GPD1L: variants seen among roughly 807,000 people sequenced by gnomAD.
GPD1L encodes glycerol-3-phosphate dehydrogenase 1 like.
Under a neutral mutation model 32.9 loss-of-function variants are expected in GPD1L, and 17 were observed. That is an observed-to-expected ratio of 0.52 (90% confidence interval 0.35 to 0.78). The LOEUF is 0.78. Among genes scored for constraint, GPD1L ranks in the 30% least tolerant of loss-of-function variants. The probability of loss-of-function intolerance (pLI) is 0.01; values close to 1 mark genes in which losing one functional copy is unlikely to be tolerated. For missense variants in GPD1L, 361 were observed against 447.8 expected (o/e 0.81, Z 1.75); for synonymous variants, 187 against 165.9 (o/e 1.13, Z -0.98).
intron 1 of GPD1L, among the ~76,000 whole-genome samples, chr3:32,121,702 T>C (rs1341851011): frequency 7.3e-6 from 1 of 136,546 alleles, no homozygotes; most frequent in East Asian, 3.1e-4. Flanking sequence ...TATATTTATA[T>C]ATATATTTCT....
intron 5 of GPD1L, among the ~76,000 whole-genome samples, chr3:32,154,657 T>G (rs1700962734): frequency 6.6e-6 from 1 of 152,198 alleles, no homozygotes. Context: ...GTGACAATGT[T>G]GTGAGGTTTA....
In GPD1L at chr3:32,167,086, A is replaced by G. The variant is rs535646493; in HGVS notation, c.*1176A>G. On this transcript the variant is annotated 3_prime_UTR_variant, in exon 8 of 8. Coordinates refer to ENST00000282541, the MANE Select transcript of GPD1L (RefSeq NM_015141.4). ...GGCATCTGTGTTTCTGATGCTTACT[A>G]CAATATGTGAACCACTACTTTAGAA... 4.6e-5 allele frequency: 7 copies of G among 152,244 alleles called. No homozygotes were observed. Among genetic ancestry groups the G allele is most frequent in the African/African-American group, 1.7e-4 (7 of 41,536 alleles). 9.4% of individuals were successfully genotyped at this position (152,244 alleles called of 1,614,324 possible).
chr3:32,140,187 T>G (rs1190073421), intron 3 of GPD1L, 41 bp from the exon 4 acceptor site: 1 of 1,612,260 alleles, frequency 6.2e-7, no homozygotes, highest in East Asian at 2.2e-5. Flanking sequence ...CCTCTTTGAT[T>G]TGGCGGTTTG....
intron 2 of GPD1L, among the ~76,000 whole-genome samples, chr3:32,138,125 C>T (rs1700691949): frequency 1.3e-5 from 2 of 152,226 alleles, no homozygotes; most frequent in African/African-American, 2.4e-5. Flanking sequence ...TACCCTTGAC[C>T]TGTCTCTCCT....
In GPD1L at chr3:32,116,010, G is replaced by A. The variant is rs564489845; in HGVS notation, c.47+9252G>A. 1.2e-4 allele frequency among the ~76,000 whole-genome samples: 18 copies of A among 151,900 alleles called. 1 individual carries two copies. Among genetic ancestry groups the A allele is most frequent in the African/African-American group, 3.1e-4 (13 of 41,436 alleles). On this transcript the variant is annotated intron_variant, in intron 1 of 7. Coordinates refer to ENST00000282541, the MANE Select transcript of GPD1L (RefSeq NM_015141.4). ...TCACCGTGTTAGCCAGGATGGTCTC[G>A]ATCTCCTGACCTCGTGATGTGCCCG...
chr3:32,163,161 CTTTTT>C (rs34385950), intron 7 of GPD1L, among the ~76,000 whole-genome samples: 6 of 78,030 alleles, frequency 7.7e-5, no homozygotes, highest in African/African-American at 2.1e-4. Flanking sequence ...CTGGTTTGTC[CTTTTT>C]TTTTTTTTTT....
In GPD1L at chr3:32,167,316, C is replaced by T. The variant is rs1370254862; in HGVS notation, c.*1406C>T. ...CCTAGCAAGTCCCAAACACATTACA[C>T]TGAAGAGATTTTGGTGAGGAAACTT... On this transcript the variant is annotated 3_prime_UTR_variant, in exon 8 of 8. Transcript: ENST00000282541. The T allele has an allele frequency of 6.6e-6, 1 of 152,334 alleles. No individual in the cohort carries two copies. Among genetic ancestry groups the T allele is most frequent in the Non-Finnish European group, 1.5e-5 (1 of 68,072 alleles). 9.4% of individuals were successfully genotyped at this position (152,334 alleles called of 1,614,324 possible).
In GPD1L at chr3:32,159,480, A is replaced by C. The variant is rs57228367; in HGVS notation, c.853-88A>C. On this transcript the variant is annotated intron_variant, in intron 6 of 7. Transcript: ENST00000282541. Reference sequence around the variant, plus strand: ...ACCCATTCTCTAAAAAAAAAAAAAAAGAAAAAAAACACTTAAAAATTAAAC... The same window carrying C: ...ACCCATTCTCTAAAAAAAAAAAAAACGAAAAAAAACACTTAAAAATTAAAC... 12 of 801,878 alleles carry C rather than the reference A, an allele frequency of 1.5e-5. No individual in the cohort carries two copies. The African/African-American group carries it at 2.0e-4, about 13-fold the overall frequency. The allele number at this position is 801,878 out of a possible 1,614,324, so 49.7% of individuals were successfully genotyped here. A position where few individuals can be genotyped will look rare whatever the true frequency, so the allele number is the denominator to read the frequency against.
At chr3:32,123,620 T>G (rs1200576063) in intron 1 of GPD1L, among the ~76,000 whole-genome samples, 1 of 152,080 alleles carries the variant, frequency 6.6e-6, no homozygotes, top group Non-Finnish European at 1.5e-5. Flanking sequence ...GAGCCTGATG[T>G]GGAGGTGGCT....
Position 32,138,104 on chromosome 3 carries a change from A to G in GPD1L, c.226-483A>G, listed in dbSNP as rs1700691673. Among the ~76,000 whole-genome samples the G allele has an allele frequency of 2.0e-5, 3 of 152,204 alleles. 1 individual carries two copies. In the South Asian group the frequency reaches 6.2e-4, roughly 31 times the overall value. On this transcript the variant is annotated intron_variant, in intron 2 of 7. Coordinates refer to ENST00000282541, the MANE Select transcript of GPD1L (RefSeq NM_015141.4). ...GAGCCTAGGCAGAAGTGGCCCGAGG[A>G]GGCTGATAAATACCCTTGACCTGTC...
rs537706069 is a variant in GPD1L at position 32,168,174 on chromosome 3, T to TTATG, written c.*2264_*2265insTATG. The stretch of plus-strand genomic sequence containing the variant: ...TCTGAAGTCTGCTGACTGTGTCTCT[T>TTATG]GAACATACTTAGGATATTCTGCACA... On this transcript the variant is annotated 3_prime_UTR_variant, in exon 8 of 8. Coordinates refer to ENST00000282541, the MANE Select transcript of GPD1L (RefSeq NM_015141.4). 513 of 152,604 alleles carry TTATG rather than the reference T, an allele frequency of 3.4e-3. No homozygotes were observed. Among genetic ancestry groups the TTATG allele is most frequent in the Admixed American group, 8.1e-3 (124 of 15,296 alleles). The allele number at this position is 152,604 out of a possible 1,614,324, so 9.5% of individuals were successfully genotyped here.
intron 4 of GPD1L, among the ~76,000 whole-genome samples, chr3:32,143,126 C>T (rs1270918840): frequency 6.6e-6 from 1 of 151,932 alleles, no homozygotes; most frequent in African/African-American, 2.4e-5. Flanking sequence ...TTGAGCGAGG[C>T]TGTAGTCACT....
chr3:32,155,621 A>C (rs75731045), intron 5 of GPD1L, among the ~76,000 whole-genome samples: 1 of 152,128 alleles, frequency 6.6e-6, no homozygotes, highest in Non-Finnish European at 1.5e-5. Flanking sequence ...TGGCAACTTC[A>C]ATAAAACCAC....
Position 32,166,699 on chromosome 3 carries a change from T to TG in GPD1L, c.*795dup, listed in dbSNP as rs1701151965. 1.3e-5 allele frequency: 2 copies of TG among 152,634 alleles called. No individual in the cohort carries two copies. The highest frequency in any genetic ancestry group is 6.5e-5 in the Admixed American group (1 of 15,308). The allele number at this position is 152,634 out of a possible 1,614,324, so 9.5% of individuals were successfully genotyped here. Reference sequence around the variant, plus strand: ...TTTATCTTAAACATCACAGATCCACTGGGGGGTGCAAGGGGCTACTGTTAG... The same window carrying TG: ...TTTATCTTAAACATCACAGATCCACTGGGGGGGTGCAAGGGGCTACTGTTAG... On this transcript the variant is annotated 3_prime_UTR_variant, in exon 8 of 8. Transcript: ENST00000282541.
rs1348754122 is a variant in GPD1L at position 32,166,590 on chromosome 3, T to C, written c.*680T>C. The C allele has an allele frequency of 1.3e-5, 2 of 153,524 alleles. No homozygotes were observed. Among genetic ancestry groups the C allele is most frequent in the Non-Finnish European group, 2.9e-5 (2 of 68,960 alleles). The allele number at this position is 153,524 out of a possible 1,614,324, so 9.5% of individuals were successfully genotyped here. On this transcript the variant is annotated 3_prime_UTR_variant, in exon 8 of 8. Coordinates refer to ENST00000282541, the MANE Select transcript of GPD1L (RefSeq NM_015141.4). ...ACAAGACAGAAAATTCATCTGGGAT[T>C]TTCCTGCTGTGGCTGGCACATTCTT...
Position 32,106,698 on chromosome 3 carries a change from C to T in GPD1L, c.-14C>T, listed in dbSNP as rs1289892599. On this transcript the variant is annotated 5_prime_UTR_variant, in exon 1 of 8. Transcript: ENST00000282541. This position sits in a 1 kb window ranked among gnomAD's most constrained non-coding sequence, Gnocchi z 4.0. ...CAGGGAAGCACGGTCCAGGCGGCTA[C>T]ATTCGGCCCGGCCATGGCAGCGGCG... 37 of 1,557,110 alleles carry T rather than the reference C, an allele frequency of 2.4e-5. No homozygotes were observed. The highest frequency in any genetic ancestry group is 3.2e-5 in the Non-Finnish European group (37 of 1,152,998).
chr3:32,159,779 A>T, intron 7 of GPD1L, 105 bp downstream of exon 7: 1 of 759,088 alleles, frequency 1.3e-6, no homozygotes, highest in Non-Finnish European at 2.4e-6. Flanking sequence ...AAGTGCCCTT[A>T]GAACTTATCT....
At chr3:32,157,181 T>C (rs1485718124) in intron 5 of GPD1L, among the ~76,000 whole-genome samples, 2 of 151,604 alleles carry the variant, frequency 1.3e-5, no homozygotes, top group Admixed American at 6.6e-5. Context: ...GCCTCCTCCA[T>C]GTGGCCTTCC....
At chr3:32,164,630 C>G (rs1028734871) in intron 7 of GPD1L, among the ~76,000 whole-genome samples, 1 of 152,014 alleles carries the variant, frequency 6.6e-6, no homozygotes, top group Non-Finnish European at 1.5e-5. Flanking sequence ...TGAAACTTGC[C>G]CAGAGTTAGT....
Sources: gnomAD v4.1 joint callset for allele counts (sites outside exome capture counted in the v4.1 genomes callset) on GRCh38, gnomAD v4.1.1 for gene constraint, Gnocchi (gnomAD v3.1) non-coding constraint, MANE v1.5 for transcripts, NCBI Gene and HGNC (gene_info 2026-07-23, HGNC 2026-07-21) for gene names.